The following TSHR variants were observed in gnomAD, a reference collection of about 807,000 sequenced individuals.
TSHR encodes the protein thyroid stimulating hormone receptor.
TSHR carries 51 observed loss-of-function variants against 64.1 expected under a neutral mutation model. The ratio of observed to expected loss-of-function variants is 0.80; its 90% CI spans 0.64 to 1.01. TSHR has a LOEUF of 1.01. Among genes scored for constraint, TSHR ranks in the 50% least tolerant of loss-of-function variants. TSHR has a pLI of 0.00. For synonymous variants in TSHR, 361 were observed against 361.9 expected, an observed-to-expected ratio of 1.00 and a Z score of 0.03; for missense variants, 877 against 942.8, an observed-to-expected ratio of 0.93 and a Z score of 0.91.
intron 1 of TSHR, among the ~76,000 whole-genome samples, chr14:81,046,710 T>C (rs1361754742): frequency 6.6e-6 from 1 of 152,010 alleles, no homozygotes; most frequent in East Asian, 1.9e-4. Flanking sequence ...TTCAAGAACC[T>C]CTCAATGAAT....
chr14:80,997,693 A>AGAT (rs1391669429), intron 1 of TSHR, among the ~76,000 whole-genome samples: 2 of 152,340 alleles, frequency 1.3e-5, no homozygotes, highest in African/African-American at 4.8e-5. Context: ...TGAAATACGG[A>AGAT]GATAGTTATG....
At chr14:81,107,496 A>G (rs1226079461) in intron 7 of TSHR, among the ~76,000 whole-genome samples, 1 of 152,204 alleles carries the variant, frequency 6.6e-6, no homozygotes, top group Non-Finnish European at 1.5e-5. Flanking sequence ...GGAAACAGCC[A>G]GTTTCAAAAT....
chr14:80,976,854 T>C (rs1411390318), intron 1 of TSHR, among the ~76,000 whole-genome samples: 1 of 152,256 alleles, frequency 6.6e-6, no homozygotes, highest in African/African-American at 2.4e-5. Flanking sequence ...GACTCTCTCC[T>C]GCTTCTGCCC....
intron 1 of TSHR, among the ~76,000 whole-genome samples, chr14:81,025,632 A>G (rs1180627153): frequency 1.3e-5 from 2 of 152,210 alleles, no homozygotes; most frequent in Non-Finnish European, 2.9e-5. Flanking sequence ...TCTAGGATTG[A>G]ATTATATGTG....
At chr14:81,092,412 A>G in intron 5 of TSHR, 119 bp from the exon 6 acceptor site, 1 of 986,218 alleles carries the variant, frequency 1.0e-6, no homozygotes, top group Non-Finnish European at 1.6e-6. Context: ...GTGAAACTTA[A>G]AAAGAAATAA....
chr14:81,132,244 T>C (rs1407667387), intron 8 of TSHR, among the ~76,000 whole-genome samples: 2 of 152,188 alleles, frequency 1.3e-5, no homozygotes, highest in Non-Finnish European at 2.9e-5. Flanking sequence ...CCTACTTTCA[T>C]GACAAGCAAA....
intron 8 of TSHR, among the ~76,000 whole-genome samples, chr14:81,111,750 A>C (rs1003180968): frequency 8.5e-5 from 13 of 152,232 alleles, no homozygotes; most frequent in African/African-American, 2.9e-4. Context: ...AGAGGGCAGA[A>C]TTGTATTTCC....
At chr14:81,070,555 G>A (rs144597195) in intron 3 of TSHR, among the ~76,000 whole-genome samples, 2 of 149,830 alleles carry the variant, frequency 1.3e-5, no homozygotes, top group African/African-American at 4.9e-5. Context: ...GAACCTGGGC[G>A]GGAGAGGTTG....
At chr14:81,058,572 A>T (rs200491357) in intron 1 of TSHR, among the ~76,000 whole-genome samples, 59 of 152,304 alleles carry the variant, frequency 3.9e-4, no homozygotes, top group East Asian at 3.5e-3. Context: ...AGAAAGAATC[A>T]TCATTGTCTT....
At chr14:81,114,343 A>C (rs1289788839) in intron 8 of TSHR, among the ~76,000 whole-genome samples, 2 of 152,220 alleles carry the variant, frequency 1.3e-5, no homozygotes, top group Non-Finnish European at 2.9e-5. Flanking sequence ...GAGCCAAAGC[A>C]GGGCGAGGCA....
At chr14:81,026,027 C>T (rs915181979) in intron 1 of TSHR, among the ~76,000 whole-genome samples, 1 of 152,038 alleles carries the variant, frequency 6.6e-6, no homozygotes. Flanking sequence ...TCCTGAAACC[C>T]CACAAGAAAC....
intron 1 of TSHR, among the ~76,000 whole-genome samples, chr14:81,004,340 A>T (rs991797407): frequency 6.6e-6 from 1 of 152,226 alleles, no homozygotes; most frequent in Non-Finnish European, 1.5e-5. Flanking sequence ...CTACTCAGTT[A>T]TCAAGACAAT....
intron 1 of TSHR, among the ~76,000 whole-genome samples, chr14:80,980,612 A>G (rs1459387130): frequency 1.3e-5 from 2 of 151,282 alleles, no homozygotes; most frequent in Non-Finnish European, 3.0e-5. Context: ...ATGTGTAGAT[A>G]TTGATGAATT....
At chr14:81,058,597 T>C (rs192747019) in intron 1 of TSHR, among the ~76,000 whole-genome samples, 6 of 152,314 alleles carry the variant, frequency 3.9e-5, no homozygotes, top group African/African-American at 1.4e-4. Context: ...TTGTGAATTA[T>C]CAAAGGCAAA....
intron 1 of TSHR, among the ~76,000 whole-genome samples, chr14:81,000,071 A>G (rs777955907): frequency 2.0e-5 from 3 of 151,836 alleles, no homozygotes; most frequent in Non-Finnish European, 2.9e-5. Context: ...AGCTGGGACT[A>G]CAGGCGCATG....
intron 1 of TSHR, among the ~76,000 whole-genome samples, chr14:80,986,725 G>A (rs1888472803): frequency 6.6e-6 from 1 of 152,212 alleles, no homozygotes. Context: ...GACCTCAGGT[G>A]ATCTGCCCGC....
intron 1 of TSHR, among the ~76,000 whole-genome samples, chr14:80,962,343 T>TA (rs61636975): frequency 0.18 from 27,078 of 152,046 alleles, 2,702 homozygotes; most frequent in East Asian, 0.43. Flanking sequence ...ACAACAGAAA[T>TA]TTACTCTCTC....
At chr14:80,971,551 C>T (rs1009554224) in intron 1 of TSHR, among the ~76,000 whole-genome samples, 1 of 152,270 alleles carries the variant, frequency 6.6e-6, no homozygotes, top group Non-Finnish European at 1.5e-5. Flanking sequence ...ATAGAACCTA[C>T]CTATTGGTTA....
At chr14:80,983,222 TA>T in intron 1 of TSHR, 1 of 1,257,940 alleles carries the variant, frequency 7.9e-7, no homozygotes. Context: ...AGCATATGTG[TA>T]AAGACACCAT....
Sources: allele counts gnomAD v4.1 joint callset (sites outside exome capture counted in the v4.1 genomes callset), GRCh38; gene constraint gnomAD v4.1.1; transcripts MANE v1.5; gene names NCBI Gene and HGNC (gene_info 2026-07-23, HGNC 2026-07-21).